Variants in ZNF143 observed in about 807,000 individuals in gnomAD.
ZNF143 encodes the protein SPH-binding factor.
Under a neutral mutation model 74.1 loss-of-function variants are expected in ZNF143, and 49 were observed. The observed-to-expected ratio is 0.66, with a 90% CI of 0.53 to 0.84. The LOEUF is 0.84. ZNF143 is among the 40% of genes least tolerant of loss of function. The pLI is 0.00. For missense variants in ZNF143, 637 were observed against 793.4 expected, an observed-to-expected ratio of 0.80 and a Z score of 2.37; for synonymous variants, 304 against 282.8, an observed-to-expected ratio of 1.07 and a Z score of -0.75.
rs534398916 is a variant in ZNF143, at chr11:9,496,273, A to C, written c.766-30A>C. ...ATCTTCCTGAGGAATACGTAAAGGA[A>C]ATAGAATCATGCCTGCATTTTAATC... On this transcript the variant is annotated intron_variant, in intron 8 of 15. Coordinates refer to ENST00000396602, the MANE Select transcript of ZNF143 (RefSeq NM_003442.6). The C allele has an allele frequency of 9.2e-5, 148 of 1,608,508 alleles. No individual in the cohort carries two copies. In the South Asian group the frequency reaches 1.6e-3, roughly 17 times the overall value.
At chr11:9,468,171 T>C (rs1856359280) in intron 1 of ZNF143, among the ~76,000 whole-genome samples, 1 of 152,230 alleles carries the variant, frequency 6.6e-6, no homozygotes, top group Non-Finnish European at 1.5e-5. Context: ...GCTCTGTGCA[T>C]GGAGTGCCCT....
intron 14 of ZNF143, among the ~76,000 whole-genome samples, chr11:9,523,227 G>A (rs1849001335): frequency 6.6e-6 from 1 of 152,108 alleles, no homozygotes; most frequent in Non-Finnish European, 1.5e-5. Context: ...GTTAAGGCAG[G>A]TCTGTTTCAG....
intron 10 of ZNF143, among the ~76,000 whole-genome samples, chr11:9,500,068 G>T (rs1027737947): frequency 6.6e-6 from 1 of 152,068 alleles, no homozygotes; most frequent in Non-Finnish European, 1.5e-5. Flanking sequence ...TCACCCTCCC[G>T]AGTAGCTGGG....
At chr11:9,508,897 T>C in intron 12 of ZNF143, 51 bp downstream of exon 12, 1 of 1,504,958 alleles carries the variant, frequency 6.6e-7, no homozygotes, top group Non-Finnish European at 9.0e-7. Context: ...AATCAACAGT[T>C]ATGAACATAA....
Position 9,474,017 on chromosome 11 carries a change from T to G in ZNF143, c.282T>G (p.Pro94=). The change falls in exon 4 of 16, where the codon CCT becomes CCG. Residue 94 remains proline (P), a synonymous_variant. Transcript: ENST00000396602. ...SAAYVQHVPI[P]KSTGDSLRLE... ...CCTATGTTCAACATGTACCCATACCTAAAAGTAGTAAGTATTTAAGATAAC... is the reference window on the plus strand; with the variant it reads ...CCTATGTTCAACATGTACCCATACCGAAAAGTAGTAAGTATTTAAGATAAC... 6.2e-7 allele frequency: 1 copy of G among 1,610,682 alleles called. No individual in the cohort carries two copies. Among genetic ancestry groups the G allele is most frequent in the Non-Finnish European group, 8.5e-7 (1 of 1,177,070 alleles).
chr11:9,522,660 A>AT (rs1219081937), intron 14 of ZNF143, among the ~76,000 whole-genome samples: 44 of 151,862 alleles, frequency 2.9e-4, no homozygotes, highest in African/African-American at 1.0e-3. Context: ...CACCTGGCTA[A>AT]TTTTTGTAAT....
intron 7 of ZNF143, among the ~76,000 whole-genome samples, chr11:9,486,412 AATATATATTATATATAT>A (rs1847520364): frequency 5.2e-5 from 1 of 19,326 alleles, no homozygotes; most frequent in Non-Finnish European, 1.0e-4. Flanking sequence ...TTATATATAT[AATATATATTATATATAT>A]TATATATATA....
At chr11:9,469,215 CTTT>C (rs33968880) in intron 1 of ZNF143, among the ~76,000 whole-genome samples, 2,022 of 97,468 alleles carry the variant, frequency 0.021, 46 homozygotes, top group African/African-American at 0.07. Context: ...CAGCAGGGGT[CTTT>C]TTTTTTTTTT....
intron 7 of ZNF143, among the ~76,000 whole-genome samples, chr11:9,488,875 C>T (rs1847662444): frequency 6.6e-6 from 1 of 150,986 alleles, no homozygotes; most frequent in Admixed American, 6.6e-5. Context: ...GGTAGTAGTG[C>T]AAAGCAGGTT....
chr11:9,517,386 C>T (rs973806884), intron 14 of ZNF143, among the ~76,000 whole-genome samples: 5 of 152,026 alleles, frequency 3.3e-5, no homozygotes, highest in Non-Finnish European at 5.9e-5. Context: ...AACACATAAC[C>T]TTGTGCACAT....
intron 14 of ZNF143, among the ~76,000 whole-genome samples, chr11:9,523,156 TATTG>T (rs1190952371): frequency 6.6e-6 from 1 of 152,078 alleles, no homozygotes; most frequent in African/African-American, 2.4e-5. Flanking sequence ...CTCTGGAGAA[TATTG>T]ATTTTTTTTT....
At chr11:9,473,788 G>A in intron 3 of ZNF143, 153 bp from the exon 4 acceptor site, 2 of 1,551,138 alleles carry the variant, frequency 1.3e-6, no homozygotes, top group Non-Finnish European at 1.7e-6. Flanking sequence ...ATCACTGGAT[G>A]TGTTATTGAA....
At chr11:9,503,613 G>A (rs1408164244) in intron 11 of ZNF143, among the ~76,000 whole-genome samples, 1 of 149,246 alleles carries the variant, frequency 6.7e-6, no homozygotes, top group African/African-American at 2.5e-5. Context: ...CTTTTGATTT[G>A]CATTTTTCTG....
At chr11:9,503,393 A>G (rs1341723960) in intron 11 of ZNF143, among the ~76,000 whole-genome samples, 3 of 152,178 alleles carry the variant, frequency 2.0e-5, no homozygotes, top group African/African-American at 7.2e-5. Context: ...TTGCTGGGTC[A>G]TATGGTAACT....
At chr11:9,495,852 C>G (rs888320291) in intron 8 of ZNF143, among the ~76,000 whole-genome samples, 1 of 151,930 alleles carries the variant, frequency 6.6e-6, no homozygotes, top group African/African-American at 2.4e-5. Flanking sequence ...CTATTGTGTC[C>G]CCACTTTTCA....
intron 11 of ZNF143, among the ~76,000 whole-genome samples, chr11:9,502,704 C>T (rs1161711815): frequency 6.6e-6 from 1 of 151,952 alleles, no homozygotes; most frequent in Non-Finnish European, 1.5e-5. Context: ...TTTTCATTTC[C>T]CCTAAAAGAA....
chr11:9,504,120 C>T (rs1848269126), intron 11 of ZNF143, among the ~76,000 whole-genome samples: 1 of 151,442 alleles, frequency 6.6e-6, no homozygotes, highest in Non-Finnish European at 1.5e-5. Flanking sequence ...GCCACCACAC[C>T]CAGCTAATTT....
chr11:9,469,957 C>G (rs574256016), intron 1 of ZNF143, among the ~76,000 whole-genome samples: 3 of 152,368 alleles, frequency 2.0e-5, no homozygotes, highest in South Asian at 2.1e-4. Context: ...CAAAATTCTT[C>G]AAGCAATCCT....
chr11:9,462,411 A>AT (rs906871286), intron 1 of ZNF143, among the ~76,000 whole-genome samples: 1 of 151,948 alleles, frequency 6.6e-6, no homozygotes, highest in Non-Finnish European at 1.5e-5. Flanking sequence ...TACAAAAAAA[A>AT]TTTTTTTTAA....
Sources: allele counts gnomAD v4.1 joint callset (sites outside exome capture counted in the v4.1 genomes callset), GRCh38; gene constraint gnomAD v4.1.1; transcripts MANE v1.5; gene names NCBI Gene and HGNC (gene_info 2026-07-23, HGNC 2026-07-21).